The following WDR27 variants were observed in gnomAD, a reference collection of about 807,000 sequenced individuals.
WDR27 encodes WD repeat domain 27, also known as WD repeat-containing protein 27.
WDR27 carries 100 observed loss-of-function variants against 114.4 expected under a neutral mutation model. The observed-to-expected ratio is 0.87, with a 90% CI of 0.74 to 1.03. WDR27 has a LOEUF of 1.03. Ranked by LOEUF, WDR27 falls within the 50% of genes least tolerant of loss-of-function variation. The probability of loss-of-function intolerance (pLI) is 0.00; values close to 1 mark genes in which losing one functional copy is unlikely to be tolerated. For synonymous variants in WDR27, 449 were observed against 423.1 expected (o/e 1.06, Z -0.75); for missense variants, 1,129 against 1,092.9 (o/e 1.03, Z -0.47).
intron 9 of WDR27, among the ~76,000 whole-genome samples, chr6:169,661,977 C>A (rs1172296640): frequency 6.6e-6 from 1 of 152,132 alleles, no homozygotes; most frequent in Admixed American, 6.5e-5. Context: ...TATAGCACAG[C>A]GGTAGATGGG....
Position 169,630,201 on chromosome 6 carries a change from T to A in WDR27, c.2223+2746A>T, listed in dbSNP as rs190425417. Among the ~76,000 whole-genome samples the A allele has an allele frequency of 1.6e-3, 247 of 152,324 alleles. 1 individual carries two copies. The highest frequency in any genetic ancestry group is 5.7e-3 in the African/African-American group (235 of 41,580). ...TAGACATTGCATTTTGAGAATAATA[T>A]ATCAACAAATTTTAAATACTACTTG... On this transcript the variant is annotated intron_variant, in intron 21 of 25. Transcript: ENST00000448612.
chr6:169,678,283 T>C (rs553949078), intron 2 of WDR27, among the ~76,000 whole-genome samples: 2 of 152,334 alleles, frequency 1.3e-5, no homozygotes, highest in Non-Finnish European at 2.9e-5. Flanking sequence ...GTCCACCCCT[T>C]GTACCAGTGT....
chr6:169,572,741 A>T (rs570768636), intron 24 of WDR27, among the ~76,000 whole-genome samples: 22 of 152,272 alleles, frequency 1.4e-4, no homozygotes, highest in Non-Finnish European at 3.2e-4. Flanking sequence ...CACTTTGAGA[A>T]GCATTTGTCT....
chr6:169,622,983 A>T (rs56834066), intron 21 of WDR27, among the ~76,000 whole-genome samples: 2 of 152,248 alleles, frequency 1.3e-5, no homozygotes, highest in African/African-American at 4.8e-5. Flanking sequence ...GGACCTACAA[A>T]TTAGCTCAAA....
In WDR27 at chr6:169,539,862, A is replaced by G. The variant is rs540521198; in HGVS notation, c.2645+32557T>C. Among the ~76,000 whole-genome samples the G allele has an allele frequency of 2.9e-4, 44 of 152,318 alleles. 1 individual carries two copies. The South Asian group carries it at 8.9e-3, about 31-fold the overall frequency. ...ATTCCCAGGGCTATACAATGATATTATGATTCTTACTATTTTCTTCTGTTA... is the reference window on the plus strand; with the variant it reads ...ATTCCCAGGGCTATACAATGATATTGTGATTCTTACTATTTTCTTCTGTTA... On this transcript the variant is annotated intron_variant, in intron 25 of 25. Coordinates refer to ENST00000448612, the MANE Select transcript of WDR27 (RefSeq NM_182552.5).
At position 169,634,493 on chromosome 6, in the gene WDR27, C is replaced by A. The variant is rs1487556335; in HGVS notation, c.2036G>T (p.Cys679Phe). Residue 679 changes from cysteine (C) to phenylalanine (F), a missense_variant, in exon 20 of 26, where the codon TGC (cysteine) becomes TTC (phenylalanine). Transcript: ENST00000448612. ...TACTGCACCCGTCGTGGAGAGCCTGCAAATCAGCTTGGACTTGCTCTTCTG... is the reference window on the plus strand; with the variant it reads ...TACTGCACCCGTCGTGGAGAGCCTGAAAATCAGCTTGGACTTGCTCTTCTG... Reference protein sequence around the residue: ...YKQKSKSKLICRLSTTGAVDM... With the variant: ...YKQKSKSKLIFRLSTTGAVDM... 8 of 1,612,722 alleles carry A rather than the reference C, an allele frequency of 5.0e-6. No individual in the cohort carries two copies. The highest frequency in any genetic ancestry group is 1.7e-5 in the Admixed American group (1 of 59,862).
At chr6:169,453,138 C>T (rs1031419744), downstream of WDR27, among the ~76,000 whole-genome samples, 24 of 152,216 alleles carry the variant, frequency 1.6e-4, no homozygotes, top group African/African-American at 5.1e-4. Flanking sequence ...TGCTTGTTCT[C>T]ATGACTATAG....
chr6:169,429,855 G>T, the WDR27 span, among the ~76,000 whole-genome samples: 1 of 152,168 alleles, frequency 6.6e-6, no homozygotes, highest in Admixed American at 6.5e-5. Context: ...CCTGGCCTAC[G>T]AGCTGTGGGT....
At chr6:169,528,412 C>T (rs1231355974) in intron 25 of WDR27, among the ~76,000 whole-genome samples, 2 of 152,132 alleles carry the variant, frequency 1.3e-5, no homozygotes, top group Non-Finnish European at 2.9e-5. Flanking sequence ...TTGGGTTTTT[C>T]AGGCAGGAAG....
intron 21 of WDR27, among the ~76,000 whole-genome samples, chr6:169,615,442 C>T (rs767110949): frequency 6.6e-6 from 1 of 152,234 alleles, no homozygotes; most frequent in South Asian, 2.1e-4. Context: ...GAGTTCTCAT[C>T]ATGTAGCTCA....
At position 169,634,445 on chromosome 6, in the gene WDR27, A is replaced by C. The variant is rs1584760987; in HGVS notation, c.2084T>G (p.Val695Gly). 1 of 1,612,672 alleles carries C rather than the reference A, an allele frequency of 6.2e-7. No individual in the cohort carries two copies. The highest frequency in any genetic ancestry group is 8.5e-7 in the Non-Finnish European group (1 of 1,179,384). ...AAGGATACGGGAATAAAAGTCGTTG[A>C]CTGCCGATAAACTGGTCATGTCTAC... ...GAVDMTSLSAVNDFYSHIVLA... is the reference protein window; with the variant it reads ...GAVDMTSLSAGNDFYSHIVLA... The change falls in exon 20 of 26, where the codon GTC becomes GGC. Residue 695 changes from valine to glycine, a missense_variant. Physicochemically the swap from Val to Gly is moderately radical, Grantham distance 109 (BLOSUM62 -3). Coordinates refer to ENST00000448612, the MANE Select transcript of WDR27 (RefSeq NM_182552.5).
In WDR27 at chr6:169,659,342, T is replaced by A; in HGVS notation, c.1197+109A>T. ...TCGCCCTGTCACTCCTAAAACGTTT[T>A]TACACACAAAATCCCGTTTACTCAG... On this transcript the variant is annotated intron_variant, in intron 11 of 25. Coordinates refer to ENST00000448612, the MANE Select transcript of WDR27 (RefSeq NM_182552.5). This position sits in a 1 kb window ranked among gnomAD's most constrained non-coding sequence, Gnocchi z 4.3. The A allele has an allele frequency of 6.4e-7, 1 of 1,572,996 alleles. No homozygotes were observed. Among genetic ancestry groups the A allele is most frequent in the Non-Finnish European group, 8.7e-7 (1 of 1,153,076 alleles).
At chr6:169,556,157 T>C (rs111647690) in intron 25 of WDR27, among the ~76,000 whole-genome samples, 2,597 of 152,290 alleles carry the variant, frequency 0.017, 20 homozygotes, top group Non-Finnish European at 0.027. Context: ...GCTGGGCTCC[T>C]ACCTGTGAGG....
rs950530369 is a variant in WDR27 at position 169,701,898 on chromosome 6, G to C, written c.-355C>G. On this transcript the variant is annotated 5_prime_UTR_variant, in exon 1 of 26. Coordinates refer to ENST00000448612, the MANE Select transcript of WDR27 (RefSeq NM_182552.5). ...GGGTTCGGCGCCGACTCCGCGCCGA[G>C]ACCAGCCCGCTAGGGGAGGACTCAC... The C allele has an allele frequency of 3.0e-6, 1 of 336,988 alleles. No individual in the cohort carries two copies. The highest frequency in any genetic ancestry group is 2.2e-5 in the African/African-American group (1 of 44,720). 20.9% of individuals were successfully genotyped at this position (336,988 alleles called of 1,614,324 possible). A position where few individuals can be genotyped will look rare whatever the true frequency, so the allele number is the denominator to read the frequency against.
At chr6:169,694,343 G>A (rs757650921) in intron 1 of WDR27, among the ~76,000 whole-genome samples, 12 of 152,046 alleles carry the variant, frequency 7.9e-5, no homozygotes, top group Non-Finnish European at 1.5e-4. Flanking sequence ...AGTCATCAAC[G>A]CACGCACACA....
At chr6:169,614,013 G>T (rs529153352) in intron 21 of WDR27, among the ~76,000 whole-genome samples, 1 of 152,202 alleles carries the variant, frequency 6.6e-6, no homozygotes, top group Non-Finnish European at 1.5e-5. Context: ...CCTCAACAAG[G>T]CACTTAAAGT....
At chr6:169,667,007 G>A (rs1554364588) in intron 6 of WDR27, 129 bp downstream of exon 6, 3 of 1,289,482 alleles carry the variant, frequency 2.3e-6, no homozygotes, top group African/African-American at 1.5e-5. Flanking sequence ...GTGAAGGGCT[G>A]TAAGTCTGAG....
At chr6:169,586,659 G>A (rs917907531) in intron 23 of WDR27, among the ~76,000 whole-genome samples, 2 of 151,926 alleles carry the variant, frequency 1.3e-5, no homozygotes, top group African/African-American at 4.8e-5. Flanking sequence ...GGCCATCCTT[G>A]CCAACATGGT....
chr6:169,584,409 G>A (rs917357314), intron 23 of WDR27, among the ~76,000 whole-genome samples: 11 of 152,326 alleles, frequency 7.2e-5, no homozygotes, highest in Admixed American at 7.2e-4. Flanking sequence ...TTTAAGTGGT[G>A]CTGATTGCCT....
Sources: gnomAD v4.1 joint callset for allele counts (sites outside exome capture counted in the v4.1 genomes callset) on GRCh38, gnomAD v4.1.1 for gene constraint, Gnocchi (gnomAD v3.1) non-coding constraint, MANE v1.5 for transcripts, NCBI Gene and HGNC (gene_info 2026-07-23, HGNC 2026-07-21) for gene names.